The following ABCA1 variants were observed in gnomAD, a reference collection of about 807,000 sequenced individuals.
ABCA1 encodes the protein ATP binding cassette subfamily A member 1, also known as phospholipid-transporting ATPase ABCA1.
A neutral mutation model predicts 262.5 loss-of-function variants in ABCA1; 133 were observed. The ratio of observed to expected loss-of-function variants is 0.51; its 90% CI spans 0.44 to 0.59. ABCA1 has a LOEUF of 0.59. Among genes scored for constraint, ABCA1 ranks in the 20% least tolerant of loss-of-function variants. ABCA1 has a pLI of 0.00. For synonymous variants in ABCA1, 1,022 were observed against 1,043.5 expected, an observed-to-expected ratio of 0.98 and a Z score of 0.40; for missense variants, 2,452 against 2,777.5, an observed-to-expected ratio of 0.88 and a Z score of 2.63.
intron 36 of ABCA1, chr9:104,799,393 T>TCCAC (rs1830145794): frequency 5.7e-6 from 2 of 347,860 alleles, no homozygotes; most frequent in African/African-American, 5.9e-5. Flanking sequence ...GGCTTTAAAC[T>TCCAC]TCACACACAC....
Position 104,801,951 on chromosome 9 carries a change from A to G in ABCA1, c.4698+103T>C, listed in dbSNP as rs139686495. 1.1e-5 allele frequency: 12 copies of G among 1,072,390 alleles called. 1 individual carries two copies. The East Asian group carries it at 2.2e-4, about 19-fold the overall frequency. 66.4% of individuals were successfully genotyped at this position (1,072,390 alleles called of 1,614,324 possible). A position where few individuals can be genotyped will look rare whatever the true frequency, so the allele number is the denominator to read the frequency against. On this transcript the variant is annotated intron_variant, in intron 34 of 49. Transcript: ENST00000374736. Reference sequence around the variant, plus strand: ...GACGGCTCTGTATGCCAACATATTCAGAACAATGAGCTGCCAGGTGATCCG... The same window carrying G: ...GACGGCTCTGTATGCCAACATATTCGGAACAATGAGCTGCCAGGTGATCCG...
At chr9:104,788,666 C>T (rs1829140299) in intron 44 of ABCA1, 99 bp from the exon 45 acceptor site, 2 of 1,386,208 alleles carry the variant, frequency 1.4e-6, no homozygotes, top group African/African-American at 1.4e-5. Flanking sequence ...TTCTCCATTA[C>T]AAAGATACCA....
At chr9:104,816,703 C>G (rs976095346) in intron 24 of ABCA1, among the ~76,000 whole-genome samples, 7 of 151,980 alleles carry the variant, frequency 4.6e-5, no homozygotes, top group Non-Finnish European at 8.8e-5. Flanking sequence ...TGTCTATTGC[C>G]TAAGCTCTGG....
chr9:104,819,885 G>A (rs1479093813), intron 21 of ABCA1, 42 bp downstream of exon 21: 7 of 1,609,776 alleles, frequency 4.3e-6, no homozygotes, highest in Non-Finnish European at 5.9e-6. Context: ...TGTAGCCGGA[G>A]GAGGAGGGGA....
intron 1 of ABCA1, among the ~76,000 whole-genome samples, chr9:104,909,202 G>A (rs922970453): frequency 3.3e-5 from 5 of 152,182 alleles, no homozygotes; most frequent in African/African-American, 1.2e-4. Flanking sequence ...GTGCCCATGA[G>A]CCACAACAAA....
rs765097052 is a variant in ABCA1 at position 104,819,739 on chromosome 9, G to C, written c.3104-16C>G. On this transcript the variant is annotated splice_polypyrimidine_tract_variant and intron_variant, in intron 21 of 49. Transcript: ENST00000374736. ...TGCATTCCACCTACAAAAAAACAGA[G>C]CAAGACAAACTCCAGGACCAGCCCC... 1.2e-6 allele frequency: 2 copies of C among 1,614,142 alleles called. No homozygotes were observed. The highest frequency in any genetic ancestry group is 3.3e-5 in the Admixed American group (2 of 60,026).
Position 104,783,577 on chromosome 9 carries a change from C to T in ABCA1, c.*738G>A, listed in dbSNP as rs142039624. ...AGGATGACCCTGTAGACCCATGGCTCGAAGCATAGGACAATATAACAATGG... is the reference window on the plus strand; with the variant it reads ...AGGATGACCCTGTAGACCCATGGCTTGAAGCATAGGACAATATAACAATGG... On this transcript the variant is annotated 3_prime_UTR_variant, in exon 50 of 50. Coordinates refer to ENST00000374736, the MANE Select transcript of ABCA1 (RefSeq NM_005502.4). The T allele has an allele frequency of 6.6e-6, 1 of 152,176 alleles. No individual in the cohort carries two copies. Among genetic ancestry groups the T allele is most frequent in the Non-Finnish European group, 1.5e-5 (1 of 68,116 alleles). The allele number at this position is 152,176 out of a possible 1,614,324, so 9.4% of individuals were successfully genotyped here.
chr9:104,788,603 A>T (rs923214980), intron 44 of ABCA1, 36 bp from the exon 45 acceptor site: 3 of 1,612,448 alleles, frequency 1.9e-6, no homozygotes, highest in Non-Finnish European at 2.5e-6. Context: ...GATTTTAAGC[A>T]GGTAGAGATA....
chr9:104,811,125 T>C (rs769222831), intron 28 of ABCA1, among the ~76,000 whole-genome samples: 2 of 152,218 alleles, frequency 1.3e-5, no homozygotes, highest in African/African-American at 4.8e-5. Context: ...ACTAAACCTT[T>C]TCTCTGGCAA....
At chr9:104,893,639 C>T (rs1839965085) in intron 2 of ABCA1, among the ~76,000 whole-genome samples, 1 of 151,924 alleles carries the variant, frequency 6.6e-6, no homozygotes, top group Non-Finnish European at 1.5e-5. Context: ...TTAATTTAAT[C>T]CTCAGGACAA....
At chr9:104,829,943 T>TACACACACACACACAC (rs59055896) in intron 14 of ABCA1, among the ~76,000 whole-genome samples, 1 of 140,800 alleles carries the variant, frequency 7.1e-6, no homozygotes, top group African/African-American at 2.6e-5. Context: ...TCCTGATCCC[T>TACACACACACACACAC]ACACACACAC....
At chr9:104,909,700 G>C (rs138682340) in intron 1 of ABCA1, among the ~76,000 whole-genome samples, 4 of 151,448 alleles carry the variant, frequency 2.6e-5, no homozygotes, top group Non-Finnish European at 5.9e-5. Context: ...ACCCTAGTTA[G>C]CACCTGGCAC....
chr9:104,921,313 C>A (rs12342233), intron 1 of ABCA1, among the ~76,000 whole-genome samples: 10,428 of 152,014 alleles, frequency 0.069, 439 homozygotes, highest in African/African-American at 0.12. Context: ...AAACAAACAC[C>A]CCCCAAGAAA....
At chr9:104,787,030 T>C (rs1251664150) in intron 46 of ABCA1, 54 bp from the exon 47 acceptor site, 2 of 1,531,636 alleles carry the variant, frequency 1.3e-6, no homozygotes, top group Non-Finnish European at 1.8e-6. Flanking sequence ...AAATCAAAGA[T>C]AAATTTGTTT....
intron 5 of ABCA1, among the ~76,000 whole-genome samples, chr9:104,862,661 G>GGCAGC (rs1564198548): frequency 1.2e-3 from 3 of 2,516 alleles, no homozygotes; most frequent in Non-Finnish European, 2.4e-3. Flanking sequence ...GGCCGGGCCG[G>GGCAGC]GCCGGGCCGG....
intron 2 of ABCA1, among the ~76,000 whole-genome samples, chr9:104,896,756 A>G (rs1840261618): frequency 1.2e-5 from 1 of 83,404 alleles, no homozygotes; most frequent in African/African-American, 5.2e-5. Context: ...TTTCAGACAG[A>G]GTTTCACTCT....
chr9:104,924,099 G>C (rs1842294168), intron 1 of ABCA1, among the ~76,000 whole-genome samples: 1 of 152,136 alleles, frequency 6.6e-6, no homozygotes, highest in South Asian at 2.1e-4. Flanking sequence ...TTGCCACACA[G>C]TGCTATATAA....
At chr9:104,832,456 G>T in intron 12 of ABCA1, 118 bp downstream of exon 12, 1 of 1,135,492 alleles carries the variant, frequency 8.8e-7, no homozygotes, top group Non-Finnish European at 1.3e-6. Context: ...TTGAGGGATA[G>T]TTTTGTAAAT....
At chr9:104,912,654 C>T (rs1841569742) in intron 1 of ABCA1, among the ~76,000 whole-genome samples, 1 of 152,288 alleles carries the variant, frequency 6.6e-6, no homozygotes, top group East Asian at 1.9e-4. Context: ...GATAGCCTCT[C>T]TTCCCCTGCT....
Sources: allele counts gnomAD v4.1 joint callset (sites outside exome capture counted in the v4.1 genomes callset), GRCh38; gene constraint gnomAD v4.1.1; transcripts MANE v1.5; gene names NCBI Gene and HGNC (gene_info 2026-07-23, HGNC 2026-07-21).